TGIF2: variants seen among roughly 807,000 people sequenced by gnomAD.
The protein encoded by TGIF2 is TGFB induced factor homeobox 2, also known as homeobox protein TGIF2.
Under a neutral mutation model 15.1 loss-of-function variants are expected in TGIF2, and 5 were observed. The ratio of observed to expected loss-of-function variants is 0.33; its 90% CI spans 0.17 to 0.70. The LOEUF (loss-of-function observed/expected upper bound fraction) is 0.70, where lower values mean the gene tolerates loss of function less well. Among genes scored for constraint, TGIF2 ranks in the 30% least tolerant of loss-of-function variants. The pLI, the probability that TGIF2 is intolerant of heterozygous loss-of-function variation, is 0.67. For synonymous variants in TGIF2, 131 were observed against 128.9 expected (o/e 1.02, Z -0.11); for missense variants, 264 against 302.5 (o/e 0.87, Z 0.94).
chr20:36,580,540 A>G (rs2038522377), intron 2 of TGIF2, among the ~76,000 whole-genome samples: 2 of 152,080 alleles, frequency 1.3e-5, no homozygotes, highest in African/African-American at 4.8e-5. Flanking sequence ...GGCCCTTCAC[A>G]GTGGCTCACA....
At chr20:36,588,646 AT>A in intron 2 of TGIF2, among the ~76,000 whole-genome samples, 1 of 152,240 alleles carries the variant, frequency 6.6e-6, no homozygotes, top group Non-Finnish European at 1.5e-5. Context: ...AGAGGGGCAA[AT>A]AAGGACCCCA....
intron 2 of TGIF2, among the ~76,000 whole-genome samples, chr20:36,586,989 T>C (rs1264606530): frequency 3.3e-5 from 5 of 152,210 alleles, no homozygotes; most frequent in South Asian, 2.1e-4. Flanking sequence ...CCCTGTTTTA[T>C]GGTAGAGACC....
At chr20:36,579,468 GC>G (rs1484957499) in intron 2 of TGIF2, among the ~76,000 whole-genome samples, 1 of 152,186 alleles carries the variant, frequency 6.6e-6, no homozygotes, top group Non-Finnish European at 1.5e-5. Context: ...ACCACGCCTG[GC>G]CCAGACTTTG....
At chr20:36,575,751 G>C (rs2038415066) in intron 1 of TGIF2, among the ~76,000 whole-genome samples, 1 of 152,160 alleles carries the variant, frequency 6.6e-6, no homozygotes. Flanking sequence ...TGAGAAGGGA[G>C]GAGCCTTGAG....
chr20:36,576,024 G>A (rs1047643370), intron 1 of TGIF2, among the ~76,000 whole-genome samples: 1 of 151,886 alleles, frequency 6.6e-6, no homozygotes, highest in Admixed American at 6.6e-5. Flanking sequence ...CCTGGGAGAT[G>A]GAGATTGCAG....
intron 1 of TGIF2, among the ~76,000 whole-genome samples, 164 bp from the exon 2 acceptor site, chr20:36,578,577 C>T (rs1028070271): frequency 1.6e-4 from 25 of 152,212 alleles, no homozygotes; most frequent in Admixed American, 1.4e-3. Flanking sequence ...GAACTTTGGA[C>T]TCATCCCTTC....
chr20:36,590,558 A>G lies in TGIF2; in HGVS notation c.193-352A>G, dbSNP rs2340258. Among the ~76,000 whole-genome samples, 121 of 30,540 alleles carry G rather than the reference A, an allele frequency of 4.0e-3. 1 individual carries two copies. The highest frequency in any genetic ancestry group is 5.8e-3 in the African/African-American group (119 of 20,684). The allele number at this position is 30,540 out of a possible 152,430, so 20.0% of individuals were successfully genotyped here. On this transcript the variant is annotated intron_variant, in intron 2 of 2. Transcript: ENST00000373872. ...GGTCCTGAGACATAGTAAGTGCTTC[A>G]TAGCTGTTTGTTTTGGTTTGTTTTG... is the stretch of plus-strand genomic sequence containing the variant.
At chr20:36,585,389 G>A (rs2038634479) in intron 2 of TGIF2, among the ~76,000 whole-genome samples, 1 of 150,542 alleles carries the variant, frequency 6.6e-6, no homozygotes, top group Non-Finnish European at 1.5e-5. Context: ...CTTGAACCCG[G>A]GGGTGGTGGA....
chr20:36,579,451 G>A (rs576135426), intron 2 of TGIF2, among the ~76,000 whole-genome samples: 61 of 152,294 alleles, frequency 4.0e-4, no homozygotes, highest in African/African-American at 1.3e-3. Context: ...GATTACAGGC[G>A]TGAGCCACCA....
At chr20:36,578,694 G>A (rs186191836) in intron 1 of TGIF2, 47 bp from the exon 2 acceptor site, 2 of 1,505,530 alleles carry the variant, frequency 1.3e-6, no homozygotes, top group East Asian at 4.6e-5. Context: ...CTAGGAAAAG[G>A]CGGTACGTGC....
At chr20:36,576,718 G>A (rs1431956607) in intron 1 of TGIF2, among the ~76,000 whole-genome samples, 1 of 152,022 alleles carries the variant, frequency 6.6e-6, no homozygotes, top group African/African-American at 2.4e-5. Flanking sequence ...TTTGCGGGGG[G>A]ATAGGGGGAC....
Position 36,582,602 on chromosome 20 carries a change from C to T in TGIF2, c.192+3636C>T, listed in dbSNP as rs571294293. Among the ~76,000 whole-genome samples the T allele has an allele frequency of 1.1e-4, 17 of 152,320 alleles. No homozygotes were observed. In the South Asian group the frequency reaches 3.1e-3, roughly 28 times the overall value. On this transcript the variant is annotated intron_variant, in intron 2 of 2. Coordinates refer to ENST00000373872, the MANE Select transcript of TGIF2 (RefSeq NM_021809.7). ...AAAATGGAAACCCAAAGCCAAACAT[C>T]CTTCTAGAGAACTGGCGAACCCCTC...
At position 36,591,091 on chromosome 20, in the gene TGIF2, T is replaced by TCTCC. The variant is rs1390139023; in HGVS notation, c.377_380dup (p.Ser128ProfsTer36). The stretch of plus-strand genomic sequence containing the variant: ...TCTGTCCCAGCCCCCACCAATGTGC[T>TCTCC]CTCCCTGTCTGTGTGCTCCATGCCG... On this transcript the variant is annotated frameshift_variant, in exon 3 of 3. Coordinates refer to ENST00000373872, the MANE Select transcript of TGIF2 (RefSeq NM_021809.7). LOFTEE classifies it high-confidence loss of function. The surrounding 1 kb of genome is among the most constrained non-coding windows in gnomAD (Gnocchi z 5.3). 1 of 1,599,412 alleles carries TCTCC rather than the reference T, an allele frequency of 6.3e-7. No homozygotes were observed. The highest frequency in any genetic ancestry group is 8.6e-7 in the Non-Finnish European group (1 of 1,168,596).
At position 36,591,205 on chromosome 20, in the gene TGIF2, CACTT is replaced by C; in HGVS notation, c.492_495del (p.Thr165CysfsTer2). ...AAGCCCCTGGTGACCCCTGGTAGCA[CACTT>C]ACTCTGCTGACCAGGGCTGAGGCTG... On this transcript the variant is annotated frameshift_variant, in exon 3 of 3. Transcript: ENST00000373872. LOFTEE classifies it high-confidence loss of function. The surrounding 1 kb of genome is among the most constrained non-coding windows in gnomAD (Gnocchi z 5.3). 1 of 1,614,204 alleles carries C rather than the reference CACTT, an allele frequency of 6.2e-7. No individual in the cohort carries two copies. Among genetic ancestry groups the C allele is most frequent in the Non-Finnish European group, 8.5e-7 (1 of 1,180,010 alleles).
At chr20:36,573,918 A>T (rs1453723106) in intron 1 of TGIF2, among the ~76,000 whole-genome samples, 173 bp downstream of exon 1, 1 of 150,950 alleles carries the variant, frequency 6.6e-6, no homozygotes, top group Non-Finnish European at 1.5e-5. Context: ...GGTGTTTGTG[A>T]GTCCCGACGG....
intron 2 of TGIF2, among the ~76,000 whole-genome samples, chr20:36,588,377 T>G (rs1268896600): frequency 7.0e-6 from 1 of 142,696 alleles, no homozygotes; most frequent in East Asian, 2.0e-4. Context: ...TTTTTTTTTT[T>G]TTTTTTGAGA....
intron 1 of TGIF2, 24 bp from the exon 2 acceptor site, chr20:36,578,717 C>T (rs1053149113): frequency 3.2e-6 from 5 of 1,545,052 alleles, no homozygotes; most frequent in Non-Finnish European, 4.4e-6. Flanking sequence ...ATGATGTTCC[C>T]ATCCCCTGTG....
chr20:36,580,774 A>G (rs992610565), intron 2 of TGIF2, among the ~76,000 whole-genome samples: 2 of 133,890 alleles, frequency 1.5e-5, no homozygotes, highest in African/African-American at 5.6e-5. Context: ...TGATCGCACC[A>G]CTGCACTCCA....
chr20:36,585,699 G>A (rs2038644145), intron 2 of TGIF2, among the ~76,000 whole-genome samples: 1 of 152,048 alleles, frequency 6.6e-6, no homozygotes, highest in African/African-American at 2.4e-5. Flanking sequence ...GCAGTTGGGA[G>A]GGTTAGGGAA....
Sources: allele counts gnomAD v4.1 joint callset (sites outside exome capture counted in the v4.1 genomes callset), GRCh38; gene constraint gnomAD v4.1.1; non-coding constraint Gnocchi (gnomAD v3.1); transcripts MANE v1.5; gene names NCBI Gene and HGNC (gene_info 2026-07-23, HGNC 2026-07-21).